ANKRD45: variants seen among roughly 807,000 people sequenced by gnomAD.
ANKRD45 encodes ankyrin repeat domain-containing protein 45.
Under a neutral mutation model 28.1 loss-of-function variants are expected in ANKRD45, and 21 were observed. That is an observed-to-expected ratio of 0.75 (90% confidence interval 0.53 to 1.08). ANKRD45 has a LOEUF of 1.08. Ranked by LOEUF, ANKRD45 falls within the 50% of genes least tolerant of loss-of-function variation. The pLI is 0.00. For synonymous variants in ANKRD45, 86 were observed against 103.9 expected, an observed-to-expected ratio of 0.83 and a Z score of 1.05; for missense variants, 261 against 308.7, an observed-to-expected ratio of 0.85 and a Z score of 1.16.
chr1:173,680,986 G>T, the ANKRD45 span, among the ~76,000 whole-genome samples: 2 of 150,426 alleles, frequency 1.3e-5, no homozygotes, highest in East Asian at 3.9e-4. Flanking sequence ...GAGGCGGGGT[G>T]GGGGAGATAG....
At chr1:173,666,905 T>C (rs1670046793) in intron 1 of ANKRD45, among the ~76,000 whole-genome samples, 1 of 152,124 alleles carries the variant, frequency 6.6e-6, no homozygotes, top group South Asian at 2.1e-4. Flanking sequence ...ATGTGTGCCA[T>C]CACACCAGGC....
At chr1:173,684,462 C>G in the ANKRD45 span, among the ~76,000 whole-genome samples, 34 of 152,250 alleles carry the variant, frequency 2.2e-4, no homozygotes, top group Middle Eastern at 3.4e-3. Context: ...CAATGAGCCT[C>G]TGCACCAACC....
the ANKRD45 span, among the ~76,000 whole-genome samples, chr1:173,681,516 G>C: frequency 5.3e-5 from 8 of 152,108 alleles, no homozygotes; most frequent in Non-Finnish European, 1.0e-4. Context: ...TTGTGTACAC[G>C]ACACATAAAT....
chr1:173,613,234 C>T (rs1415392158), intron 5 of ANKRD45, among the ~76,000 whole-genome samples: 2 of 151,962 alleles, frequency 1.3e-5, no homozygotes, highest in Admixed American at 6.6e-5. Context: ...GCACCTCTGC[C>T]CGGCCGCGAC....
the ANKRD45 span, among the ~76,000 whole-genome samples, chr1:173,704,765 A>G: frequency 1.3e-5 from 2 of 152,194 alleles, no homozygotes; most frequent in Non-Finnish European, 1.5e-5. Flanking sequence ...TCCTGACACT[A>G]ACTGTTGCAG....
At chr1:173,671,735 A>G (rs1372637639), upstream of ANKRD45, among the ~76,000 whole-genome samples, 1 of 151,668 alleles carries the variant, frequency 6.6e-6, no homozygotes, top group Non-Finnish European at 1.5e-5. Context: ...AAAAAAAATT[A>G]GCCAGGCGTG....
chr1:173,684,264 T>G, the ANKRD45 span, among the ~76,000 whole-genome samples: 1 of 152,160 alleles, frequency 6.6e-6, no homozygotes, highest in Admixed American at 6.6e-5. Flanking sequence ...TACTGACATA[T>G]TAATTATTTG....
the ANKRD45 span, among the ~76,000 whole-genome samples, chr1:173,683,774 TTA>T: frequency 6.6e-6 from 1 of 152,186 alleles, no homozygotes; most frequent in Non-Finnish European, 1.5e-5. Flanking sequence ...CAGGGCGGTG[TTA>T]TATATAAAGT....
intron 3 of ANKRD45, chr1:173,635,518 A>G (rs1337261447): frequency 6.6e-7 from 1 of 1,505,652 alleles, no homozygotes; most frequent in African/African-American, 1.4e-5. Context: ...ATTGACAAAG[A>G]AGGATGTCTA....
At chr1:173,688,379 TCTCTCTCTGCCTCTTC>T in the ANKRD45 span, among the ~76,000 whole-genome samples, 66 of 148,828 alleles carry the variant, frequency 4.4e-4, no homozygotes, top group Non-Finnish European at 6.8e-4. Flanking sequence ...CCTCTTCCTC[TCTCTCTCTGCCTCTTC>T]CTCTCTCTGC....
chr1:173,691,712 G>A, the ANKRD45 span, among the ~76,000 whole-genome samples: 4 of 152,152 alleles, frequency 2.6e-5, no homozygotes, highest in Non-Finnish European at 4.4e-5. Context: ...GCAAGAACCC[G>A]GAAGACAGAG....
At chr1:173,633,397 A>G (rs1558126920) in intron 3 of ANKRD45, among the ~76,000 whole-genome samples, 2 of 152,204 alleles carry the variant, frequency 1.3e-5, no homozygotes, top group Non-Finnish European at 1.5e-5. Flanking sequence ...AAGAATCAAT[A>G]TTGTTAAAAT....
chr1:173,712,908 G>C, the ANKRD45 span, among the ~76,000 whole-genome samples: 2 of 152,212 alleles, frequency 1.3e-5, no homozygotes, highest in East Asian at 3.9e-4. Context: ...GATTCAATAG[G>C]TCTGTAATGG....
the ANKRD45 span, among the ~76,000 whole-genome samples, chr1:173,694,540 A>C: frequency 1.7e-5 from 1 of 58,970 alleles, no homozygotes; most frequent in African/African-American, 9.7e-5. Flanking sequence ...GAAGTTTATT[A>C]TTATTATTAT....
At chr1:173,714,918 A>T in the ANKRD45 span, 12 of 152,416 alleles carry the variant, frequency 7.9e-5, no homozygotes, top group African/African-American at 2.9e-4. Context: ...ATTTAAGAAT[A>T]GGACTACTTC....
At position 173,659,322 on chromosome 1, in the gene ANKRD45, T is replaced by G. The variant is rs1301332200; in HGVS notation, c.97A>C (p.Thr33Pro). The change falls in exon 2 of 6, where the codon ACA (threonine) becomes CCA (proline). Residue 33 changes from threonine (T) to proline (P), a missense_variant. Transcript: ENST00000333279. Reference sequence around the variant, plus strand: ...TGTAAAAGGGGGTTCTTAGGGCCTGTTTCCTCTGGTTCTTGGGCTTCTTCT... The same window carrying G: ...TGTAAAAGGGGGTTCTTAGGGCCTGGTTCCTCTGGTTCTTGGGCTTCTTCT... ...EEEEAQEPEE[T>P]GPKNPLLQPA... 1.9e-6 allele frequency: 3 copies of G among 1,613,360 alleles called. No individual in the cohort carries two copies. The highest frequency in any genetic ancestry group is 2.7e-5 in the African/African-American group (2 of 74,912).
chr1:173,660,763 G>A (rs1258963877), intron 1 of ANKRD45, among the ~76,000 whole-genome samples: 2 of 152,142 alleles, frequency 1.3e-5, no homozygotes, highest in Non-Finnish European at 2.9e-5. Context: ...ACTTAATTCT[G>A]CCAGCAACCA....
intron 2 of ANKRD45, among the ~76,000 whole-genome samples, chr1:173,656,483 T>G (rs780170795): frequency 6.6e-6 from 1 of 152,228 alleles, no homozygotes; most frequent in Non-Finnish European, 1.5e-5. Context: ...TATACTCTAA[T>G]CTTTATATCC....
At chr1:173,693,071 G>A in the ANKRD45 span, among the ~76,000 whole-genome samples, 20 of 152,194 alleles carry the variant, frequency 1.3e-4, no homozygotes, top group Non-Finnish European at 1.3e-4. Flanking sequence ...GGGCCGGGGG[G>A]GTGGATCAAC....
Sources: gnomAD v4.1 joint callset for allele counts (sites outside exome capture counted in the v4.1 genomes callset) on GRCh38, gnomAD v4.1.1 for gene constraint, MANE v1.5 for transcripts, NCBI Gene and HGNC (gene_info 2026-07-23, HGNC 2026-07-21) for gene names.